Variants in POLG2 observed in about 807,000 individuals in gnomAD.
The protein encoded by POLG2 is DNA polymerase subunit gamma-2.
POLG2 carries 50 observed loss-of-function variants against 56.5 expected under a neutral mutation model. The observed-to-expected ratio is 0.88, with a 90% CI of 0.71 to 1.12. The LOEUF is 1.12. Among genes scored for constraint, POLG2 ranks in the 50% most tolerant of loss-of-function variants. The pLI is 0.00. For missense variants in POLG2, 584 were observed against 583.3 expected, an observed-to-expected ratio of 1.00 and a Z score of -0.01; for synonymous variants, 226 against 222.6, an observed-to-expected ratio of 1.02 and a Z score of -0.14.
chr17:64,486,574 GGTT>G (rs2144161343), intron 4 of POLG2, among the ~76,000 whole-genome samples: 1 of 152,232 alleles, frequency 6.6e-6, no homozygotes, highest in South Asian at 2.1e-4. Context: ...ATGTTGGCCA[GGTT>G]GTTCTCAAAC....
Position 64,477,882 on chromosome 17 carries a change from G to A in POLG2, c.1399C>T (p.His467Tyr), listed in dbSNP as rs2037791539. ...AAAAAGTCTTTTAATTTGGATATAT[G>A]CATCATTTCCTTCATTGTGGTGTCT... The part of the protein sequence containing the change: ...SRDTTMKEMM[H>Y]ISKLKDFLIK... Residue 467 changes from histidine (H) to tyrosine (Y), a missense_variant, in exon 8 of 8, where the codon CAT becomes TAT. Physicochemically the swap from His to Tyr is moderately conservative, Grantham distance 83. Transcript: ENST00000539111. 6.2e-7 allele frequency: 1 copy of A among 1,613,122 alleles called. No homozygotes were observed. The highest frequency in any genetic ancestry group is 1.3e-5 in the African/African-American group (1 of 74,876).
intron 5 of POLG2, chr17:64,485,417 G>A (rs2037933512): frequency 2.8e-6 from 1 of 361,260 alleles, no homozygotes; most frequent in Non-Finnish European, 5.2e-6. Flanking sequence ...ATGTACCAAT[G>A]CTTCAGCTTC....
chr17:64,496,104 T>C (rs1012358787), intron 1 of POLG2, among the ~76,000 whole-genome samples: 15 of 152,256 alleles, frequency 9.9e-5, no homozygotes, highest in African/African-American at 3.6e-4. Flanking sequence ...AATGTCTGTG[T>C]AGTTCCTTAT....
chr17:64,492,826 A>G, intron 2 of POLG2, 54 bp from the exon 3 acceptor site: 1 of 1,601,970 alleles, frequency 6.2e-7, no homozygotes, highest in Non-Finnish European at 8.6e-7. Flanking sequence ...TATATAATTT[A>G]TCCCAAGTGG....
rs8078621 is a variant in POLG2 at position 64,492,360 on chromosome 17, A to G, written c.795+307T>C. Among the ~76,000 whole-genome samples, 42,353 of 152,156 alleles carry G rather than the reference A, an allele frequency of 0.28. 11,392 individuals are homozygous for G. The highest frequency in any genetic ancestry group is 0.7 in the African/African-American group (29,179 of 41,466). On this transcript the variant is annotated intron_variant, in intron 3 of 7. Transcript: ENST00000539111. ...AAAGTTCATGGAGGTAGGTAGCAAAAGCTGAAGCTGTGACAATGGTCAAGG... is the reference window on the plus strand; with the variant it reads ...AAAGTTCATGGAGGTAGGTAGCAAAGGCTGAAGCTGTGACAATGGTCAAGG...
rs782180971 is a variant in POLG2 at position 64,496,806 on chromosome 17, C to T, written c.163G>A (p.Glu55Lys). 10 of 1,613,734 alleles carry T rather than the reference C, an allele frequency of 6.2e-6. No homozygotes were observed. The highest frequency in any genetic ancestry group is 1.3e-5 in the African/African-American group (1 of 74,916). Reference sequence around the variant, plus strand: ...CCAGACCCGGGGGCTTCTGGGTGCTCGCCGTTCCCCTCGAGCTCCGCGTGC... The same window carrying T: ...CCAGACCCGGGGGCTTCTGGGTGCTTGCCGTTCCCCTCGAGCTCCGCGTGC... ...KSHAELEGNG[E>K]HPEAPGSGEG... The change falls in exon 1 of 8, where the codon GAG becomes AAG. Residue 55 changes from glutamate (E) to lysine (K), a missense_variant. Physicochemically the swap from Glu to Lys is moderately conservative, Grantham distance 56. Transcript: ENST00000539111.
At chr17:64,492,485 T>TGGTACAAAG (rs2038078035) in intron 3 of POLG2, among the ~76,000 whole-genome samples, 182 bp downstream of exon 3, 4 of 152,226 alleles carry the variant, frequency 2.6e-5, no homozygotes. Context: ...AACAAATGTT[T>TGGTACAAAG]TTACCAAAGT....
At chr17:64,489,275 T>TA (rs74269506) in intron 4 of POLG2, among the ~76,000 whole-genome samples, 10 of 141,988 alleles carry the variant, frequency 7.0e-5, no homozygotes, top group Admixed American at 3.6e-4. Flanking sequence ...AATACCAATT[T>TA]AAAAAAAAAA....
chr17:64,482,691 G>GGTTA (rs2037882222), intron 6 of POLG2, among the ~76,000 whole-genome samples: 1 of 152,146 alleles, frequency 6.6e-6, no homozygotes, highest in Non-Finnish European at 1.5e-5. Context: ...TTAGAGTAAG[G>GGTTA]GTTAGGTTGA....
chr17:64,492,068 A>C (rs934840789), intron 3 of POLG2, among the ~76,000 whole-genome samples: 3 of 152,186 alleles, frequency 2.0e-5, no homozygotes, highest in South Asian at 2.1e-4. Context: ...TGTTATCCAG[A>C]CTTTTATGGC....
In POLG2 at chr17:64,482,723, G is replaced by A. The variant is rs9898261; in HGVS notation, c.1191+196C>T. On this transcript the variant is annotated intron_variant, in intron 6 of 7. Coordinates refer to ENST00000539111, the MANE Select transcript of POLG2 (RefSeq NM_007215.4). The stretch of plus-strand genomic sequence containing the variant: ...TTGAGCATCCCTAATCAGAAAATCC[G>A]AAATCCAAAATGCTCCAAAACCTGA... Among the ~76,000 whole-genome samples, 1,013 of 152,280 alleles carry A rather than the reference G, an allele frequency of 6.7e-3. 10 individuals are homozygous for A. Among genetic ancestry groups the A allele is most frequent in the African/African-American group, 0.023 (959 of 41,564 alleles).
chr17:64,492,874 G>A, intron 2 of POLG2, 21 bp downstream of exon 2: 1 of 1,613,666 alleles, frequency 6.2e-7, no homozygotes, highest in Non-Finnish European at 8.5e-7. Context: ...ACAAGGCCAA[G>A]TTATTTGCCA....
chr17:64,478,913 A>AT (rs1473408448), intron 7 of POLG2, among the ~76,000 whole-genome samples: 1 of 151,938 alleles, frequency 6.6e-6, no homozygotes, highest in Non-Finnish European at 1.5e-5. Context: ...AGAATGATAC[A>AT]TTTTTCTGTG....
intron 7 of POLG2, among the ~76,000 whole-genome samples, chr17:64,479,074 C>T (rs918795935): frequency 2.2e-4 from 34 of 152,012 alleles, no homozygotes; most frequent in African/African-American, 8.2e-4. Flanking sequence ...AATTGAGAAC[C>T]TGAGAGGACA....
At position 64,477,962 on chromosome 17, in the gene POLG2, G is replaced by A. The variant is rs200118292; in HGVS notation, c.1319C>T (p.Thr440Ile). The A allele has an allele frequency of 5.0e-6, 8 of 1,613,798 alleles. No individual in the cohort carries two copies. Among genetic ancestry groups the A allele is most frequent in the Non-Finnish European group, 6.8e-6 (8 of 1,179,868 alleles). ...SKYDEMSILF[T>I]VLVTETTLEN... ...CAAAGTAGTTTCAGTAACCAAAACTGTGAAGAGAATACTCATTTCATCATA... is the reference window on the plus strand; with the variant it reads ...CAAAGTAGTTTCAGTAACCAAAACTATGAAGAGAATACTCATTTCATCATA... The change falls in exon 8 of 8, where the codon ACA (threonine) becomes ATA (isoleucine). Residue 440 changes from threonine (T) to isoleucine (I), a missense_variant. By Grantham distance (89) the Thr-to-Ile change is moderately conservative. Coordinates refer to ENST00000539111, the MANE Select transcript of POLG2 (RefSeq NM_007215.4).
At chr17:64,493,673 A>G (rs1337293488) in intron 1 of POLG2, among the ~76,000 whole-genome samples, 1 of 151,914 alleles carries the variant, frequency 6.6e-6, no homozygotes, top group Non-Finnish European at 1.5e-5. Flanking sequence ...TTTTTAGTAG[A>G]GACGGGGTTT....
At chr17:64,478,138 G>T in intron 7 of POLG2, 150 bp from the exon 8 acceptor site, 1 of 714,736 alleles carries the variant, frequency 1.4e-6, no homozygotes, top group Non-Finnish European at 2.3e-6. Flanking sequence ...CATTTTTAAA[G>T]TTTCTGAATT....
chr17:64,480,618 T>A (rs1555666337), intron 6 of POLG2, among the ~76,000 whole-genome samples: 1 of 152,200 alleles, frequency 6.6e-6, no homozygotes, highest in East Asian at 1.9e-4. Context: ...TAAATGCCAA[T>A]CTTCTGAGAA....
Position 64,490,849 on chromosome 17 carries a change from G to C in POLG2, c.916C>G (p.Leu306Val). 6.2e-7 allele frequency: 1 copy of C among 1,613,524 alleles called. No homozygotes were observed. The highest frequency in any genetic ancestry group is 8.5e-7 in the Non-Finnish European group (1 of 1,179,490). ...GKELIETLWN[L>V]GDHELLHMYP... ...ATGTGTAAAAGTTCGTGATCTCCTA[G>C]GTTCCACAGGGTTTCTATTAACTCC... Residue 306 changes from leucine to valine, a missense_variant, in exon 4 of 8, where the codon CTA (leucine) becomes GTA (valine). Physicochemically the swap from Leu to Val is conservative, Grantham distance 32 (BLOSUM62 1). Coordinates refer to ENST00000539111, the MANE Select transcript of POLG2 (RefSeq NM_007215.4).
Sources: allele counts gnomAD v4.1 joint callset (sites outside exome capture counted in the v4.1 genomes callset), GRCh38; gene constraint gnomAD v4.1.1; transcripts MANE v1.5; gene names NCBI Gene and HGNC (gene_info 2026-07-23, HGNC 2026-07-21).